FHIT: variants seen among roughly 807,000 people sequenced by gnomAD.
FHIT encodes the protein fragile histidine triad diadenosine triphosphatase.
Under a neutral mutation model 17.9 loss-of-function variants are expected in FHIT, and 19 were observed. The ratio of observed to expected loss-of-function variants is 1.06; its 90% confidence interval spans 0.74 to 1.56. The LOEUF (loss-of-function observed/expected upper bound fraction) is 1.56, where lower values mean the gene tolerates loss of function less well. Among genes scored for constraint, FHIT ranks in the 40% most tolerant of loss-of-function variants. The pLI is 0.00. For synonymous variants in FHIT, 81 were observed against 69.7 expected (o/e 1.16, Z -0.81); for missense variants, 248 against 189.2 (o/e 1.31, Z -1.82).
chr3:60,154,248 C>A (rs949010592), intron 5 of FHIT, among the ~76,000 whole-genome samples: 3 of 152,188 alleles, frequency 2.0e-5, no homozygotes, highest in Admixed American at 6.5e-5. Flanking sequence ...CAACCTCCGG[C>A]ATATATGAGT....
Position 60,492,311 on chromosome 3 carries a change from T to A in FHIT, c.103+44549A>T, listed in dbSNP as rs117816114. Among the ~76,000 whole-genome samples the A allele has an allele frequency of 5.3e-5, 8 of 152,308 alleles. No individual in the cohort carries two copies. The East Asian group carries it at 1.5e-3, about 29-fold the overall frequency. On this transcript the variant is annotated intron_variant, in intron 5 of 9. Transcript: ENST00000492590. The stretch of plus-strand genomic sequence containing the variant: ...TTGATGTCTTTCTGTGGTCACAAAG[T>A]CAAATAATTGTTTCTCACATTTGAG...
chr3:59,771,730 A>G (rs1017484204), intron 8 of FHIT, among the ~76,000 whole-genome samples: 6 of 152,198 alleles, frequency 3.9e-5, no homozygotes, highest in African/African-American at 1.4e-4. Context: ...GAACGTGCAC[A>G]AGCTCACACT....
intron 8 of FHIT, among the ~76,000 whole-genome samples, chr3:59,850,552 G>A (rs902246350): frequency 6.6e-6 from 1 of 152,110 alleles, no homozygotes; most frequent in Non-Finnish European, 1.5e-5. Context: ...CAGAAGAGAA[G>A]CTAAAGGTCA....
intron 5 of FHIT, among the ~76,000 whole-genome samples, chr3:60,349,053 C>A (rs779497788): frequency 6.6e-6 from 1 of 152,176 alleles, no homozygotes. Context: ...CCAACAGATT[C>A]ACATATAAGC....
intron 1 of FHIT, among the ~76,000 whole-genome samples, chr3:61,250,376 G>GT (rs1335424707): frequency 3.9e-5 from 6 of 152,250 alleles, no homozygotes; most frequent in Non-Finnish European, 7.3e-5. Flanking sequence ...AACAACCACT[G>GT]TGAGTATTTT....
rs183803943 is a variant in FHIT, at chr3:61,110,216, T to C, written c.-163-68117A>G. 2.0e-5 allele frequency among the ~76,000 whole-genome samples: 3 copies of C among 152,300 alleles called. No individual in the cohort carries two copies. In the East Asian group the frequency reaches 5.8e-4, roughly 29 times the overall value. ...GCCGCTTTTCTCTTGCCCTGCTTTG[T>C]ACTCTTCCTTCCAGCCCACAGGCCT... On this transcript the variant is annotated intron_variant, in intron 2 of 9. Transcript: ENST00000492590.
At chr3:60,190,214 G>T (rs546602953) in intron 5 of FHIT, among the ~76,000 whole-genome samples, 14 of 152,068 alleles carry the variant, frequency 9.2e-5, no homozygotes, top group Non-Finnish European at 1.6e-4. Flanking sequence ...CCAAAATAAC[G>T]TCCCACATTC....
chr3:61,199,462 A>C (rs1459518613), intron 2 of FHIT, among the ~76,000 whole-genome samples: 1 of 152,226 alleles, frequency 6.6e-6, no homozygotes, highest in Non-Finnish European at 1.5e-5. Flanking sequence ...GATGTTCAAC[A>C]ATTATGGCAA....
chr3:60,534,186 G>C (rs1342146830), intron 5 of FHIT, among the ~76,000 whole-genome samples: 1 of 151,226 alleles, frequency 6.6e-6, no homozygotes, highest in Non-Finnish European at 1.5e-5. Flanking sequence ...CCAGCACTTT[G>C]GGAGGCCGAG....
intron 8 of FHIT, among the ~76,000 whole-genome samples, chr3:59,809,932 A>G (rs1700349036): frequency 6.6e-6 from 1 of 152,142 alleles, no homozygotes; most frequent in African/African-American, 2.4e-5. Context: ...CATGTTGATT[A>G]TAATTTTTAT....
At chr3:60,310,625 T>A (rs1244728560) in intron 5 of FHIT, among the ~76,000 whole-genome samples, 2 of 152,066 alleles carry the variant, frequency 1.3e-5, no homozygotes, top group Non-Finnish European at 2.9e-5. Context: ...CAGTCCAACC[T>A]AACCTGGCCT....
At chr3:61,140,035 A>AAAT (rs577927768) in intron 2 of FHIT, among the ~76,000 whole-genome samples, 84 of 151,994 alleles carry the variant, frequency 5.5e-4, no homozygotes, top group African/African-American at 1.7e-3. Context: ...AAAAAAAAAA[A>AAAT]AAATAAGAAA....
intron 4 of FHIT, among the ~76,000 whole-genome samples, chr3:60,558,603 G>A (rs1205334669): frequency 6.6e-6 from 1 of 151,986 alleles, no homozygotes; most frequent in African/African-American, 2.4e-5. Context: ...CACATTCCCA[G>A]GAGCTCCGAC....
At chr3:60,573,152 C>A (rs1408480484) in intron 4 of FHIT, among the ~76,000 whole-genome samples, 1 of 152,072 alleles carries the variant, frequency 6.6e-6, no homozygotes, top group East Asian at 1.9e-4. Flanking sequence ...GAAGGTTAAC[C>A]ATTCACAAAG....
At chr3:60,021,950 G>A (rs781430287) in intron 5 of FHIT, among the ~76,000 whole-genome samples, 1 of 152,180 alleles carries the variant, frequency 6.6e-6, no homozygotes, top group African/African-American at 2.4e-5. Context: ...AAGTAAAATA[G>A]CTCTCTTTAC....
intron 3 of FHIT, among the ~76,000 whole-genome samples, chr3:60,892,689 A>T (rs1413202448): frequency 6.6e-6 from 1 of 152,240 alleles, no homozygotes; most frequent in Non-Finnish European, 1.5e-5. Flanking sequence ...TACTGGAAGC[A>T]TAAAAGCATT....
At chr3:60,358,611 G>A (rs1303173665) in intron 5 of FHIT, among the ~76,000 whole-genome samples, 1 of 152,188 alleles carries the variant, frequency 6.6e-6, no homozygotes, top group African/African-American at 2.4e-5. Flanking sequence ...TTCAGAAAGA[G>A]CATAGTGAAA....
chr3:60,042,034 T>C (rs1163035373), intron 5 of FHIT, among the ~76,000 whole-genome samples: 1 of 152,202 alleles, frequency 6.6e-6, no homozygotes, highest in African/African-American at 2.4e-5. Flanking sequence ...CATGGCCGCC[T>C]TTCCACAGAA....
At chr3:60,308,473 T>A (rs1256975735) in intron 5 of FHIT, among the ~76,000 whole-genome samples, 1 of 122,018 alleles carries the variant, frequency 8.2e-6, no homozygotes, top group Non-Finnish European at 1.7e-5. Context: ...ATTGCACGTA[T>A]AGGTATAGGT....
Sources: allele counts gnomAD v4.1 joint callset (sites outside exome capture counted in the v4.1 genomes callset), GRCh38; gene constraint gnomAD v4.1.1; transcripts MANE v1.5; gene names NCBI Gene and HGNC (gene_info 2026-07-23, HGNC 2026-07-21).